TMEM161B: variants seen among roughly 807,000 people sequenced by gnomAD.
TMEM161B encodes transmembrane protein 161B.
A neutral mutation model predicts 61.8 loss-of-function variants in TMEM161B; 34 were observed. The observed-to-expected ratio is 0.55, with a 90% CI of 0.42 to 0.73. TMEM161B has a LOEUF of 0.73. Ranked by LOEUF, TMEM161B falls within the 30% of genes least tolerant of loss-of-function variation. The pLI is 0.00. For missense variants in TMEM161B, 456 were observed against 558.5 expected (o/e 0.82, Z 1.85); for synonymous variants, 167 against 192.8 (o/e 0.87, Z 1.11).
intron 10 of TMEM161B, chr5:88,198,012 G>A (rs1303747944): frequency 3.2e-6 from 1 of 311,658 alleles, no homozygotes; most frequent in Non-Finnish European, 5.9e-6. Flanking sequence ...CTTAAATGAT[G>A]TATATATATT....
intron 2 of TMEM161B, among the ~76,000 whole-genome samples, chr5:88,237,298 C>A (rs1752011788): frequency 6.6e-6 from 1 of 152,120 alleles, no homozygotes; most frequent in Non-Finnish European, 1.5e-5. Flanking sequence ...GTATCTACTT[C>A]TAAGTTTGAC....
intron 1 of TMEM161B, among the ~76,000 whole-genome samples, chr5:88,255,046 T>G (rs1754791657): frequency 6.6e-6 from 1 of 152,046 alleles, no homozygotes; most frequent in Non-Finnish European, 1.5e-5. Flanking sequence ...AAATGTCATG[T>G]CATAAGATAA....
At position 88,197,651 on chromosome 5, in the gene TMEM161B, T is replaced by C. The variant is rs1441929458; in HGVS notation, c.1186+18A>G. On this transcript the variant is annotated intron_variant, in intron 11 of 11. Coordinates refer to ENST00000296595, the MANE Select transcript of TMEM161B (RefSeq NM_153354.5). ...GTAGAAAGTAAAAGATGCTTCCTAG[T>C]TGCCAGGGCATGCCTACCTAGTGTT... The C allele has an allele frequency of 6.3e-7, 1 of 1,599,046 alleles. No homozygotes were observed. Among genetic ancestry groups the C allele is most frequent in the Non-Finnish European group, 8.5e-7 (1 of 1,171,866 alleles).
intron 9 of TMEM161B, 139 bp from the exon 10 acceptor site, chr5:88,199,289 C>T: frequency 1.4e-6 from 1 of 735,382 alleles, no homozygotes; most frequent in Non-Finnish European, 2.1e-6. Context: ...TCTGACTCTG[C>T]CATAGACTTA....
At chr5:88,235,627 T>C (rs1751732087) in intron 2 of TMEM161B, among the ~76,000 whole-genome samples, 2 of 152,188 alleles carry the variant, frequency 1.3e-5, no homozygotes, top group South Asian at 2.1e-4. Context: ...CTGACCATAC[T>C]AGCATGCTGA....
intron 1 of TMEM161B, among the ~76,000 whole-genome samples, chr5:88,256,732 T>C (rs1755036938): frequency 6.6e-6 from 1 of 152,218 alleles, no homozygotes; most frequent in South Asian, 2.1e-4. Context: ...ATGGCAGATA[T>C]TAAACACAAG....
At chr5:88,186,057 TAA>T (rs1250309976), downstream of TMEM161B, among the ~76,000 whole-genome samples, 2 of 152,194 alleles carry the variant, frequency 1.3e-5, no homozygotes, top group Non-Finnish European at 2.9e-5. Flanking sequence ...TCGACACCTA[TAA>T]AGAGTCAAAG....
chr5:88,245,965 A>G (rs565641771), intron 1 of TMEM161B, among the ~76,000 whole-genome samples: 2 of 152,082 alleles, frequency 1.3e-5, no homozygotes, highest in African/African-American at 4.8e-5. Flanking sequence ...TACATTTTAG[A>G]GACATTGTTG....
intron 3 of TMEM161B, among the ~76,000 whole-genome samples, chr5:88,227,790 G>A (rs1750304444): frequency 2.6e-5 from 4 of 152,040 alleles, no homozygotes; most frequent in South Asian, 2.1e-4. Flanking sequence ...AGAAAACTAC[G>A]GTCCATTCAG....
rs186245550 is a variant in TMEM161B at position 88,219,523 on chromosome 5, C to G, written c.446+1040G>C. On this transcript the variant is annotated intron_variant, in intron 5 of 11. Coordinates refer to ENST00000296595, the MANE Select transcript of TMEM161B (RefSeq NM_153354.5). The stretch of plus-strand genomic sequence containing the variant: ...CCCAGTAGTAAAAGACATGAGTTTT[C>G]AGATTTAAAGGGTAAATCTAGAACT... 5.0e-4 allele frequency among the ~76,000 whole-genome samples: 76 copies of G among 152,064 alleles called. No individual in the cohort carries two copies. In the Middle Eastern group the frequency reaches 0.027, roughly 54 times the overall value.
downstream of TMEM161B, among the ~76,000 whole-genome samples, chr5:88,186,732 C>A (rs765882819): frequency 2.6e-5 from 4 of 151,822 alleles, no homozygotes; most frequent in African/African-American, 4.8e-5. Flanking sequence ...AAGTTCGAGA[C>A]CAGCCTGGCC....
At chr5:88,265,605 T>C (rs568942779) in intron 1 of TMEM161B, among the ~76,000 whole-genome samples, 4 of 151,638 alleles carry the variant, frequency 2.6e-5, no homozygotes, top group Admixed American at 1.3e-4. Context: ...GTCCCAGGGG[T>C]TGGGAACCTG....
At chr5:88,234,910 A>C (rs990464872) in intron 2 of TMEM161B, among the ~76,000 whole-genome samples, 12 of 152,116 alleles carry the variant, frequency 7.9e-5, no homozygotes, top group African/African-American at 2.7e-4. Context: ...AAGATAAATA[A>C]ATAAGCCTTT....
chr5:88,233,106 AAC>A (rs1751285616), intron 2 of TMEM161B, among the ~76,000 whole-genome samples: 1 of 152,138 alleles, frequency 6.6e-6, no homozygotes, highest in African/African-American at 2.4e-5. Context: ...ACTTAGGGAG[AAC>A]CTTCTGTATT....
At chr5:88,208,707 T>TA (rs1746081920) in intron 5 of TMEM161B, among the ~76,000 whole-genome samples, 2 of 152,004 alleles carry the variant, frequency 1.3e-5, no homozygotes, top group Admixed American at 1.3e-4. Context: ...GAGGTAAAAG[T>TA]AAAAATATCA....
chr5:88,249,810 C>T (rs1042791638), intron 1 of TMEM161B, among the ~76,000 whole-genome samples: 3 of 152,118 alleles, frequency 2.0e-5, no homozygotes, highest in Non-Finnish European at 4.4e-5. Flanking sequence ...AGCTGTTTCA[C>T]ATGAACCCCA....
chr5:88,194,329 C>T (rs1749291778), downstream of TMEM161B, among the ~76,000 whole-genome samples: 2 of 152,054 alleles, frequency 1.3e-5, no homozygotes, highest in Admixed American at 1.3e-4. Flanking sequence ...TAGTTTCATT[C>T]TTTTTTTACG....
At chr5:88,224,315 C>T (rs1409536293) in intron 4 of TMEM161B, among the ~76,000 whole-genome samples, 8 of 152,280 alleles carry the variant, frequency 5.3e-5, no homozygotes, top group South Asian at 2.1e-4. Flanking sequence ...AGTAGGGAAT[C>T]TATTTCAAAG....
At chr5:88,224,956 T>C (rs1018074886) in intron 4 of TMEM161B, among the ~76,000 whole-genome samples, 13 of 146,154 alleles carry the variant, frequency 8.9e-5, no homozygotes, top group African/African-American at 2.8e-4. Flanking sequence ...ACACACAAAA[T>C]ATGTTTTTGT....
Sources: gnomAD v4.1 joint callset for allele counts (sites outside exome capture counted in the v4.1 genomes callset) on GRCh38, gnomAD v4.1.1 for gene constraint, MANE v1.5 for transcripts, NCBI Gene and HGNC (gene_info 2026-07-23, HGNC 2026-07-21) for gene names.